FLG: variants seen among roughly 807,000 people sequenced by gnomAD.
FLG encodes epidermal filaggrin.
In FLG, 6 loss-of-function variants were observed where a neutral mutation model predicts 3.8. The ratio of observed to expected loss-of-function variants is 1.60; its 90% CI spans 0.87 to 3.15. The LOEUF is 3.15. FLG is among the 30% of genes most tolerant of loss of function. The pLI, the probability that FLG is intolerant of heterozygous loss-of-function variation, is 0.00. For synonymous variants in FLG, 2,551 were observed against 1,931.6 expected (o/e 1.32, Z -8.41); for missense variants, 7,595 against 5,050.9 (o/e 1.50, Z -15.27).
chr1:152,312,918 G>A lies in FLG; in HGVS notation c.1968C>T (p.Gly656=). 1 of 1,614,010 alleles carries A rather than the reference G, an allele frequency of 6.2e-7. No homozygotes were observed. Among genetic ancestry groups the A allele is most frequent in the Non-Finnish European group, 8.5e-7 (1 of 1,180,018 alleles). Residue 656 remains glycine, a synonymous_variant, in exon 3 of 3, where the codon GGC becomes GGT. Coordinates refer to ENST00000368799, the MANE Select transcript of FLG (RefSeq NM_002016.2). ...HGSAQEQSRD[G]SRHPRSHHED... is the part of the protein sequence containing the mutation. ...CGTGATGGGACCTGGGGTGTCTGGA[G>A]CCATCTCTTGACTGCTCCTGAGCAG...
chr1:152,323,039 T>G (rs539424827), intron 1 of FLG, among the ~76,000 whole-genome samples: 1 of 151,512 alleles, frequency 6.6e-6, no homozygotes, highest in African/African-American at 2.4e-5. Flanking sequence ...AAGATAATAG[T>G]ATAAAGTCAG....
In FLG at chr1:152,312,903, C is replaced by G. The variant is rs748247501; in HGVS notation, c.1983G>C (p.Arg661Ser). The G allele has an allele frequency of 6.2e-7, 1 of 1,613,846 alleles. No homozygotes were observed. The highest frequency in any genetic ancestry group is 1.3e-5 in the African/African-American group (1 of 74,784). The change falls in exon 3 of 3, where the codon AGG (arginine) becomes AGC (serine). Residue 661 changes from arginine (R) to serine (S), a missense_variant. By Grantham distance (110) the Arg-to-Ser change is moderately radical. Transcript: ENST00000368799. ...EQSRDGSRHPRSHHEDRAGHG... is the reference protein window; with the variant it reads ...EQSRDGSRHPSSHHEDRAGHG... ...GACCAGCTCTGTCTTCGTGATGGGA[C>G]CTGGGGTGTCTGGAGCCATCTCTTG...
chr1:152,313,100 C>G lies in FLG; in HGVS notation c.1786G>C (p.Asp596His), dbSNP rs755170427. The change falls in exon 3 of 3, where the codon GAC becomes CAC. Residue 596 changes from aspartate to histidine, a missense_variant. Asp to His is a moderately conservative substitution (Grantham distance 81). Transcript: ENST00000368799. ...CCCACCTGTGAGTGTCTAGAGCTGT[C>G]AGCCTGAGAGGAAGCTTCATGATGA... ...SRHHEASSQA[D>H]SSRHSQVGQG... is the part of the protein sequence containing the mutation. The G allele has an allele frequency of 2.5e-6, 4 of 1,613,790 alleles. No homozygotes were observed. The East Asian group carries it at 8.9e-5, about 36-fold the overall frequency.
rs772937086 is a variant in FLG, at chr1:152,302,573, C to G, written c.*127G>C. 8.3e-7 allele frequency: 1 copy of G among 1,211,350 alleles called. No homozygotes were observed. The highest frequency in any genetic ancestry group is 1.1e-6 in the Non-Finnish European group (1 of 875,752). 75.0% of individuals were successfully genotyped at this position (1,211,350 alleles called of 1,614,324 possible). ...AAGCTACCACCAAACTAATGAAATA[C>G]TATAGCATATTTTAAACAGATTGAC... is the stretch of plus-strand genomic sequence containing the variant. On this transcript the variant is annotated 3_prime_UTR_variant, in exon 3 of 3. Coordinates refer to ENST00000368799, the MANE Select transcript of FLG (RefSeq NM_002016.2).
rs574493801 is a variant in FLG, at chr1:152,304,560, T to A, written c.10326A>T (p.Arg3442Ser). The stretch of plus-strand genomic sequence containing the variant: ...CGTAGTGGGATCCCTGCCTTCCTCT[T>A]CTGCTTGACCCCGGGTGTCCACGAA... ...DTIRGHPGSSRRGRQGSHYEQ... is the reference protein window; with the variant it reads ...DTIRGHPGSSSRGRQGSHYEQ... Residue 3442 changes from arginine to serine, a missense_variant, in exon 3 of 3, where the codon AGA becomes AGT. Transcript: ENST00000368799. 4.9e-5 allele frequency: 79 copies of A among 1,609,980 alleles called. 1 individual carries two copies. The highest frequency in any genetic ancestry group is 6.6e-5 in the Non-Finnish European group (78 of 1,178,104).
rs775430967 is a variant in FLG at position 152,308,035 on chromosome 1, G to A, written c.6851C>T (p.Ser2284Phe). The change falls in exon 3 of 3, where the codon TCC (serine) becomes TTC (phenylalanine). Residue 2284 changes from serine to phenylalanine, a missense_variant. Transcript: ENST00000368799. ...QSRDGSRHPR[S>F]HHEDRAGHGH... is the part of the protein sequence containing the mutation. ...ATGACCGGCTCTGTCTTCGTGATGG[G>A]ACCTGGGGTGTCTGGAGCCATCTCT... The A allele has an allele frequency of 1.2e-6, 2 of 1,614,184 alleles. No homozygotes were observed. The highest frequency in any genetic ancestry group is 1.7e-5 in the Admixed American group (1 of 60,024).
In FLG at chr1:152,303,050, A is replaced by T; in HGVS notation, c.11836T>A (p.Ser3946Thr). The T allele has an allele frequency of 6.2e-7, 1 of 1,614,172 alleles. No individual in the cohort carries two copies. Among genetic ancestry groups the T allele is most frequent in the East Asian group, 2.2e-5 (1 of 44,878 alleles). The change falls in exon 3 of 3, where the codon TCA becomes ACA. Residue 3946 changes from serine to threonine, a missense_variant. Ser to Thr is a moderately conservative substitution (Grantham distance 58). Coordinates refer to ENST00000368799, the MANE Select transcript of FLG (RefSeq NM_002016.2). ...CTAGAACTGTGAGGACTGCCACGTG[A>T]CTGTATTCCTGAGTGATACGCAGAA... Reference protein sequence around the residue: ...QDSAYHSGIQSRGSPHSSSSY... With the variant: ...QDSAYHSGIQTRGSPHSSSSY...
rs745539898 is a variant in FLG at position 152,303,703 on chromosome 1, C to A, written c.11183G>T (p.Gly3728Val). ...TCCTTGTCTTCCTCCAGTACTGGGCCCAGCCCGTCCATGGGCAGACTCAGA... is the reference window on the plus strand; with the variant it reads ...TCCTTGTCTTCCTCCAGTACTGGGCACAGCCCGTCCATGGGCAGACTCAGA... ...EQSESAHGRA[G>V]PSTGGRQGSR... Residue 3728 changes from glycine (G) to valine (V), a missense_variant, in exon 3 of 3, where the codon GGG (glycine) becomes GTG (valine). Coordinates refer to ENST00000368799, the MANE Select transcript of FLG (RefSeq NM_002016.2). The A allele has an allele frequency of 1.2e-6, 2 of 1,614,014 alleles. No individual in the cohort carries two copies. The highest frequency in any genetic ancestry group is 2.7e-5 in the African/African-American group (2 of 75,020).
At position 152,311,177 on chromosome 1, in the gene FLG, G is replaced by A; in HGVS notation, c.3709C>T (p.His1237Tyr). 1 of 1,613,832 alleles carries A rather than the reference G, an allele frequency of 6.2e-7. No individual in the cohort carries two copies. Among genetic ancestry groups the A allele is most frequent in the Admixed American group, 1.7e-5 (1 of 60,000 alleles). The stretch of plus-strand genomic sequence containing the variant: ...TCAGCCCAAGAGGCAGCTTCATGGT[G>A]ACGTGACCCTGAGTGCCTGGAGCCG... ...GDGSRHSGSR[H>Y]HEAASWADSS... Residue 1237 changes from histidine to tyrosine, a missense_variant, in exon 3 of 3, where the codon CAC (histidine) becomes TAC (tyrosine). By Grantham distance (83) the His-to-Tyr change is moderately conservative (BLOSUM62 2). Transcript: ENST00000368799.
In FLG at chr1:152,303,092, T is replaced by G. The variant is rs140369299; in HGVS notation, c.11794A>C (p.Ser3932Arg). The change falls in exon 3 of 3, where the codon AGT (serine) becomes CGT (arginine). Residue 3932 changes from serine (S) to arginine (R), a missense_variant. Physicochemically the swap from Ser to Arg is moderately radical, Grantham distance 110. Transcript: ENST00000368799. ...TACGCAGAATCTTGTGAAAGACTAC[T>G]AAAGTGACCATGTTCCTTAGCGGTA... The part of the protein sequence containing the change: ...SSTAKEHGHF[S>R]SLSQDSAYHS... The G allele has an allele frequency of 5.6e-6, 9 of 1,614,194 alleles. No individual in the cohort carries two copies. Among genetic ancestry groups the G allele is most frequent in the Non-Finnish European group, 6.8e-6 (8 of 1,180,026 alleles).
At position 152,312,451 on chromosome 1, in the gene FLG, G is replaced by A; in HGVS notation, c.2435C>T (p.Pro812Leu). 1 of 1,613,530 alleles carries A rather than the reference G, an allele frequency of 6.2e-7. No individual in the cohort carries two copies. Among genetic ancestry groups the A allele is most frequent in the South Asian group, 1.1e-5 (1 of 91,030 alleles). ...GGATCCTTGTCTTACTCCAGTGCTGGGCCCTGTCCATCCATGGGAGGACTC... is the reference window on the plus strand; with the variant it reads ...GGATCCTTGTCTTACTCCAGTGCTGAGCCCTGTCCATCCATGGGAGGACTC... ...QSESSHGWTG[P>L]STGVRQGSHH... The change falls in exon 3 of 3, where the codon CCC becomes CTC. Residue 812 changes from proline to leucine, a missense_variant. Transcript: ENST00000368799.
Position 152,312,197 on chromosome 1 carries a change from G to C in FLG, c.2689C>G (p.Arg897Gly). ...SGSRSASRTT[R>G]NEEQSRDGSR... Reference sequence around the variant, plus strand: ...CCGTCTCTTGATTGTTCCTCATTACGTGTTGTTCTGCTTGCACTTCTGGAT... The same window carrying C: ...CCGTCTCTTGATTGTTCCTCATTACCTGTTGTTCTGCTTGCACTTCTGGAT... Residue 897 changes from arginine (R) to glycine (G), a missense_variant, in exon 3 of 3, where the codon CGT becomes GGT. Arg to Gly is a moderately radical substitution (Grantham distance 125, BLOSUM62 -2). Transcript: ENST00000368799. 1.9e-6 allele frequency: 3 copies of C among 1,613,424 alleles called. No individual in the cohort carries two copies. The highest frequency in any genetic ancestry group is 2.5e-6 in the Non-Finnish European group (3 of 1,179,934).
At position 152,311,691 on chromosome 1, in the gene FLG, C is replaced by T. The variant is rs1269639235; in HGVS notation, c.3195G>A (p.Gly1065=). 6.2e-7 allele frequency: 1 copy of T among 1,614,002 alleles called. No homozygotes were observed. Among genetic ancestry groups the T allele is most frequent in the Non-Finnish European group, 8.5e-7 (1 of 1,179,996 alleles). The change falls in exon 3 of 3, where the codon GGG becomes GGA. Residue 1065 remains glycine, a synonymous_variant. Transcript: ENST00000368799. ...SSAVRDSGHW[G]SSGSQASDSE... ...TATCACTGGCCTGACTACCACTGGA[C>T]CCCCAGTGTCCACTGTCTCTGACTG...
intron 1 of FLG, among the ~76,000 whole-genome samples, chr1:152,319,609 T>A (rs907437522): frequency 2.6e-5 from 4 of 151,420 alleles, no homozygotes; most frequent in Non-Finnish European, 5.9e-5. Flanking sequence ...TGTATTACCT[T>A]CAAAGGAGCG....
chr1:152,312,548 G>A lies in FLG; in HGVS notation c.2338C>T (p.Arg780Cys), dbSNP rs753102917. ...HHQQSHQESA[R>C]DRSGERSRRS... Reference sequence around the variant, plus strand: ...CGAGACCTTTCCCCTGACCGGTCACGTGCGGACTCTTGGTGGCTCTGCTGA... The same window carrying A: ...CGAGACCTTTCCCCTGACCGGTCACATGCGGACTCTTGGTGGCTCTGCTGA... The change falls in exon 3 of 3, where the codon CGT becomes TGT. Residue 780 changes from arginine to cysteine, a missense_variant. Coordinates refer to ENST00000368799, the MANE Select transcript of FLG (RefSeq NM_002016.2). 30 of 1,613,588 alleles carry A rather than the reference G, an allele frequency of 1.9e-5. No homozygotes were observed. The highest frequency in any genetic ancestry group is 1.6e-4 in the Middle Eastern group (1 of 6,084).
In FLG at chr1:152,312,101, C is replaced by T. The variant is rs1262998609; in HGVS notation, c.2785G>A (p.Gly929Ser). The T allele has an allele frequency of 5.0e-6, 8 of 1,614,116 alleles. No homozygotes were observed. The highest frequency in any genetic ancestry group is 1.3e-5 in the African/African-American group (1 of 75,038). ...CTGGACCCCTCTGATTGTCCCTGGC[C>T]TGCCTGTGAGTGTCTAGAGATGTCG... ...HADISRHSQA[G>S]QGQSEGSRTS... Residue 929 changes from glycine to serine, a missense_variant, in exon 3 of 3, where the codon GGC (glycine) becomes AGC (serine). By Grantham distance (56) the Gly-to-Ser change is moderately conservative. Coordinates refer to ENST00000368799, the MANE Select transcript of FLG (RefSeq NM_002016.2).
chr1:152,309,872 G>A lies in FLG; in HGVS notation c.5014C>T (p.Gln1672Ter), dbSNP rs1428723338. The change falls in exon 3 of 3, where the codon CAG becomes TAG. Residue 1672 changes from glutamine to a stop codon, truncating the protein, a stop_gained. Coordinates refer to ENST00000368799, the MANE Select transcript of FLG (RefSeq NM_002016.2). LOFTEE classifies it low-confidence loss of function (END_TRUNC). ...SGGQAASSQE[Q>*]ARSSPGERHG... ...CTTTCTCCTGGACTTGACCTTGCCT[G>A]TTCCTGGGATGATGCAGCCTGTCCA... is the stretch of plus-strand genomic sequence containing the variant. 1 of 1,614,088 alleles carries A rather than the reference G, an allele frequency of 6.2e-7. No individual in the cohort carries two copies.
In FLG at chr1:152,311,357, G is replaced by T; in HGVS notation, c.3529C>A (p.Gln1177Lys). The change falls in exon 3 of 3, where the codon CAG becomes AAG. Residue 1177 changes from glutamine to lysine, a missense_variant. Coordinates refer to ENST00000368799, the MANE Select transcript of FLG (RefSeq NM_002016.2). ...ACCGATTGCTCATGGTGGGATCCCT[G>T]CCTTCCTCCTCTCCTTGACCCCGGG... ...AHPGSRRGGRQGSHHEQSVDR... is the reference protein window; with the variant it reads ...AHPGSRRGGRKGSHHEQSVDR... The T allele has an allele frequency of 6.2e-7, 1 of 1,613,770 alleles. No individual in the cohort carries two copies.
chr1:152,303,061 G>C lies in FLG; in HGVS notation c.11825C>G (p.Ser3942Ter), dbSNP rs542027417. 2 of 1,614,158 alleles carry C rather than the reference G, an allele frequency of 1.2e-6. No homozygotes were observed. The highest frequency in any genetic ancestry group is 2.7e-5 in the African/African-American group (2 of 75,044). Residue 3942 changes from serine (S) to a stop codon, truncating the protein, a stop_gained, in exon 3 of 3, where the codon TCA (serine) becomes TGA (stop). Transcript: ENST00000368799. LOFTEE classifies it low-confidence loss of function (END_TRUNC). ...SSLSQDSAYH[S>*]GIQSRGSPHS... ...AGGACTGCCACGTGACTGTATTCCT[G>C]AGTGATACGCAGAATCTTGTGAAAG...
Sources: gnomAD v4.1 joint callset for allele counts (sites outside exome capture counted in the v4.1 genomes callset) on GRCh38, gnomAD v4.1.1 for gene constraint, MANE v1.5 for transcripts, NCBI Gene and HGNC (gene_info 2026-07-23, HGNC 2026-07-21) for gene names.